The following CYP7B1 variants were observed in gnomAD, a reference collection of about 807,000 sequenced individuals.
The protein encoded by CYP7B1 is cytochrome P450 7B1.
CYP7B1 carries 29 observed loss-of-function variants against 42.7 expected under a neutral mutation model. That is an observed-to-expected ratio of 0.68 (90% confidence interval 0.51 to 0.93). CYP7B1 has a LOEUF of 0.93. Ranked by LOEUF, CYP7B1 falls within the 40% of genes least tolerant of loss-of-function variation. The probability of loss-of-function intolerance (pLI) is 0.00; values close to 1 mark genes in which losing one functional copy is unlikely to be tolerated. For synonymous variants in CYP7B1, 235 were observed against 218.2 expected (o/e 1.08, Z -0.68); for missense variants, 655 against 600.5 (o/e 1.09, Z -0.95).
At chr8:64,741,809 T>C (rs1487800875) in intron 1 of CYP7B1, among the ~76,000 whole-genome samples, 1 of 152,172 alleles carries the variant, frequency 6.6e-6, no homozygotes, top group Admixed American at 6.6e-5. Context: ...GTACAGGATA[T>C]ATATGCAGAA....
intron 1 of CYP7B1, among the ~76,000 whole-genome samples, chr8:64,639,294 T>C (rs1006389317): frequency 2.0e-5 from 3 of 152,132 alleles, no homozygotes; most frequent in Non-Finnish European, 4.4e-5. Context: ...TGCAACAGGA[T>C]TTTACTTCAA....
At chr8:64,756,845 C>G (rs1807815757) in intron 1 of CYP7B1, among the ~76,000 whole-genome samples, 1 of 152,222 alleles carries the variant, frequency 6.6e-6, no homozygotes, top group African/African-American at 2.4e-5. Flanking sequence ...ATGTGACCTT[C>G]AAGCACTTAC....
intron 1 of CYP7B1, among the ~76,000 whole-genome samples, chr8:64,684,682 G>A (rs1255808744): frequency 6.6e-6 from 1 of 152,120 alleles, no homozygotes; most frequent in African/African-American, 2.4e-5. Flanking sequence ...CTGCCAGCAG[G>A]TGCTCAACAA....
chr8:64,589,912 C>T (rs1805012595), downstream of CYP7B1: 2 of 152,124 alleles, frequency 1.3e-5, no homozygotes, highest in South Asian at 2.1e-4. Flanking sequence ...GTCTGTGATA[C>T]ATCATGTCTC....
At chr8:64,663,047 T>C (rs889040115) in intron 1 of CYP7B1, among the ~76,000 whole-genome samples, 20 of 152,338 alleles carry the variant, frequency 1.3e-4, no homozygotes, top group African/African-American at 4.8e-4. Context: ...TATTTACCTT[T>C]ATTTCTTGTT....
intron 4 of CYP7B1, among the ~76,000 whole-genome samples, chr8:64,609,699 G>A (rs75544414): frequency 0.017 from 2,554 of 152,180 alleles, 59 homozygotes; most frequent in African/African-American, 0.055. Flanking sequence ...CTATTTCCTG[G>A]GAGCAGATGA....
intron 1 of CYP7B1, among the ~76,000 whole-genome samples, chr8:64,723,373 G>A (rs1370026177): frequency 6.6e-6 from 1 of 152,194 alleles, no homozygotes; most frequent in Non-Finnish European, 1.5e-5. Context: ...CAAAATAGAT[G>A]TGCTATGCCA....
At chr8:64,597,093 A>C (rs1310552852) in intron 5 of CYP7B1, among the ~76,000 whole-genome samples, 164 bp from the exon 6 acceptor site, 1 of 152,172 alleles carries the variant, frequency 6.6e-6, no homozygotes, top group Non-Finnish European at 1.5e-5. Context: ...CTTTCAAAAA[A>C]CTCAAATATT....
intron 1 of CYP7B1, among the ~76,000 whole-genome samples, chr8:64,651,187 G>T (rs978078170): frequency 6.6e-6 from 1 of 152,176 alleles, no homozygotes; most frequent in African/African-American, 2.4e-5. Context: ...TCTCTTCTCT[G>T]ACAGAGCTGA....
chr8:64,680,150 G>C (rs191567420), intron 1 of CYP7B1, among the ~76,000 whole-genome samples: 1 of 151,972 alleles, frequency 6.6e-6, no homozygotes, highest in East Asian at 1.9e-4. Flanking sequence ...GTGAGATCAT[G>C]TGATATTTTT....
intron 1 of CYP7B1, among the ~76,000 whole-genome samples, chr8:64,735,008 A>T (rs1563409274): frequency 6.6e-6 from 1 of 152,102 alleles, no homozygotes; most frequent in Non-Finnish European, 1.5e-5. Context: ...TGAGAATCTA[A>T]TTCTGCCACT....
chr8:64,745,352 G>T (rs1807628519), intron 1 of CYP7B1, among the ~76,000 whole-genome samples: 1 of 152,150 alleles, frequency 6.6e-6, no homozygotes, highest in Non-Finnish European at 1.5e-5. Flanking sequence ...AACAGTGTAT[G>T]AATAATTCCA....
chr8:64,787,679 C>T (rs1039166235), intron 1 of CYP7B1, among the ~76,000 whole-genome samples: 1 of 152,210 alleles, frequency 6.6e-6, no homozygotes, highest in African/African-American at 2.4e-5. Context: ...TTACCCAGTT[C>T]CAAAGTTGCT....
At chr8:64,725,830 A>T (rs1807315284) in intron 1 of CYP7B1, among the ~76,000 whole-genome samples, 1 of 152,222 alleles carries the variant, frequency 6.6e-6, no homozygotes, top group Admixed American at 6.5e-5. Context: ...CTAGATTCTG[A>T]TCAGCTGCCT....
intron 1 of CYP7B1, among the ~76,000 whole-genome samples, chr8:64,657,942 G>A (rs11985376): frequency 0.5 from 75,760 of 152,012 alleles, 20,244 homozygotes; most frequent in Non-Finnish European, 0.58. Flanking sequence ...TGGAGGCTGG[G>A]AAGTTCAAGA....
At chr8:64,638,203 C>T (rs1342455273) in intron 1 of CYP7B1, among the ~76,000 whole-genome samples, 1 of 151,412 alleles carries the variant, frequency 6.6e-6, no homozygotes, top group African/African-American at 2.4e-5. Context: ...GTTATGCTTT[C>T]TCTTTTTCAT....
At chr8:64,658,200 C>T (rs922592382) in intron 1 of CYP7B1, among the ~76,000 whole-genome samples, 1 of 152,068 alleles carries the variant, frequency 6.6e-6, no homozygotes, top group Non-Finnish European at 1.5e-5. Flanking sequence ...GGAACACAAA[C>T]ATTTGGACCA....
intron 1 of CYP7B1, among the ~76,000 whole-genome samples, chr8:64,678,127 A>G (rs1304173668): frequency 1.3e-5 from 2 of 152,010 alleles, no homozygotes; most frequent in Admixed American, 6.6e-5. Context: ...TTTCACCCCA[A>G]CTTGTCTTCT....
chr8:64,691,152 A>G (rs1210670707), intron 1 of CYP7B1, among the ~76,000 whole-genome samples: 3 of 152,230 alleles, frequency 2.0e-5, no homozygotes, highest in Non-Finnish European at 4.4e-5. Context: ...CAAAGTTTCA[A>G]AAAGTCTCAA....
Sources: allele counts gnomAD v4.1 joint callset (sites outside exome capture counted in the v4.1 genomes callset), GRCh38; gene constraint gnomAD v4.1.1; transcripts MANE v1.5; gene names NCBI Gene and HGNC (gene_info 2026-07-23, HGNC 2026-07-21).